PCDH15: variants seen among roughly 807,000 people sequenced by gnomAD.
PCDH15 encodes the protein protocadherin-15.
A neutral mutation model predicts 178.5 loss-of-function variants in PCDH15; 129 were observed. The observed-to-expected ratio is 0.72, with a 90% CI of 0.63 to 0.84. The LOEUF is 0.84. PCDH15 is among the 40% of genes least tolerant of loss of function. The probability of loss-of-function intolerance (pLI) is 0.00; values close to 1 mark genes in which losing one functional copy is unlikely to be tolerated. For synonymous variants in PCDH15, 800 were observed against 732.0 expected, an observed-to-expected ratio of 1.09 and a Z score of -1.50; for missense variants, 2,230 against 2,099.9, an observed-to-expected ratio of 1.06 and a Z score of -1.21.
Position 53,940,940 on chromosome 10 carries a change from G to A in PCDH15, c.3158C>T (p.Thr1053Ile). 6.2e-7 allele frequency: 1 copy of A among 1,613,586 alleles called. No homozygotes were observed. Among genetic ancestry groups the A allele is most frequent in the Non-Finnish European group, 8.5e-7 (1 of 1,179,600 alleles). ...AGCAGCAGAAATTACACCAACCATGGTCCCTTTGGTGGCAAGTTCACTTAC... is the reference window on the plus strand; with the variant it reads ...AGCAGCAGAAATTACACCAACCATGATCCCTTTGGTGGCAAGTTCACTTAC... Reference protein sequence around the residue: ...PPVSELATKGTMVGVISAAAI... With the variant: ...PPVSELATKGIMVGVISAAAI... The change falls in exon 24 of 38, where the codon ACC (threonine) becomes ATC (isoleucine). Residue 1053 changes from threonine to isoleucine, a missense_variant. Transcript: ENST00000644397.
chr10:55,570,329 T>G (rs1409273867), intron 2 of PCDH15, among the ~76,000 whole-genome samples: 1 of 152,036 alleles, frequency 6.6e-6, no homozygotes, highest in Non-Finnish European at 1.5e-5. Context: ...AAGACAACCC[T>G]GTTCACATTT....
chr10:54,910,124 G>GGTCCCACTGC (rs1360995142), intron 2 of PCDH15, among the ~76,000 whole-genome samples: 1 of 152,094 alleles, frequency 6.6e-6, no homozygotes, highest in Non-Finnish European at 1.5e-5. Flanking sequence ...GGGACACAGG[G>GGTCCCACTGC]GTCCCACTGC....
intron 2 of PCDH15, among the ~76,000 whole-genome samples, chr10:55,055,881 A>G: frequency 6.6e-6 from 1 of 152,164 alleles, no homozygotes; most frequent in African/African-American, 2.4e-5. Flanking sequence ...AGACTGGCAA[A>G]TATATGTTTT....
chr10:53,909,878 C>G (rs983057623), intron 25 of PCDH15, among the ~76,000 whole-genome samples: 3 of 152,232 alleles, frequency 2.0e-5, no homozygotes, highest in Admixed American at 6.5e-5. Flanking sequence ...CAGTGAGTCC[C>G]ATGCCCACGA....
chr10:55,219,105 C>T lies in PCDH15; in HGVS notation c.-155-52454G>A, dbSNP rs1417498139. 2.6e-5 allele frequency among the ~76,000 whole-genome samples: 4 copies of T among 151,788 alleles called. No individual in the cohort carries two copies. The East Asian group carries it at 7.7e-4, about 29-fold the overall frequency. On this transcript the variant is annotated intron_variant, in intron 1 of 5. Transcript: ENST00000458638. ...CTGGTAGAAATATTGATGTGAGGGG[C>T]CTTAGATCAAAATTCTTTAGGAGGA... is the stretch of plus-strand genomic sequence containing the variant.
chr10:53,904,804 G>A (rs1450017647), intron 25 of PCDH15, among the ~76,000 whole-genome samples: 1 of 152,116 alleles, frequency 6.6e-6, no homozygotes, highest in Non-Finnish European at 1.5e-5. Flanking sequence ...AATGCGAACA[G>A]CTCTAAATTT....
chr10:54,038,092 C>A (rs1473874340), intron 18 of PCDH15, among the ~76,000 whole-genome samples: 4 of 151,888 alleles, frequency 2.6e-5, no homozygotes, highest in Non-Finnish European at 5.9e-5. Context: ...GCTATATATC[C>A]ACGTTTTGAA....
rs10647110 is a variant in PCDH15 at position 55,459,241 on chromosome 10, A to AAAAAAAAAAAAAAAAAG, written c.-156+168383_-156+168384insCTTTTTTTTTTTTTTTT. Among the ~76,000 whole-genome samples the AAAAAAAAAAAAAAAAAG allele has an allele frequency of 6.0e-5, 8 of 134,234 alleles. 1 individual carries two copies. Among genetic ancestry groups the AAAAAAAAAAAAAAAAAG allele is most frequent in the Non-Finnish European group, 9.3e-5 (6 of 64,612 alleles). The allele number at this position is 134,234 out of a possible 152,430, so 88.1% of individuals were successfully genotyped here. ...CGAGTGTCCTTGGAGGCAAAAAAAA[A>AAAAAAAAAAAAAAAAAG]AAAGAAGGAAAGAAAAAAATAAATC... is the stretch of plus-strand genomic sequence containing the variant. On this transcript the variant is annotated intron_variant, in intron 2 of 5. Coordinates refer to the PCDH15 transcript ENST00000613346.
intron 4 of PCDH15, among the ~76,000 whole-genome samples, chr10:54,375,712 G>A (rs191260495): frequency 6.2e-4 from 93 of 149,546 alleles, no homozygotes; most frequent in African/African-American, 1.7e-3. Context: ...CAAAGCTTTC[G>A]CCATTGTTAG....
At chr10:55,509,171 T>A (rs1397805283) in intron 2 of PCDH15, among the ~76,000 whole-genome samples, 1 of 151,654 alleles carries the variant, frequency 6.6e-6, no homozygotes, top group Non-Finnish European at 1.5e-5. Context: ...CTGGGCTGAT[T>A]CGGAAATAAA....
At chr10:54,761,948 G>A (rs1427672944) in intron 1 of PCDH15, among the ~76,000 whole-genome samples, 2 of 151,992 alleles carry the variant, frequency 1.3e-5, no homozygotes, top group Admixed American at 6.6e-5. Flanking sequence ...GACAACAAGT[G>A]ATAACAACAT....
At chr10:54,120,281 C>T (rs1590605723) in intron 15 of PCDH15, among the ~76,000 whole-genome samples, 1 of 152,132 alleles carries the variant, frequency 6.6e-6, no homozygotes, top group African/African-American at 2.4e-5. Context: ...AACATGGGAA[C>T]CAAGAACCAT....
intron 1 of PCDH15, among the ~76,000 whole-genome samples, chr10:55,182,575 G>A (rs1359606942): frequency 6.6e-6 from 1 of 151,930 alleles, no homozygotes; most frequent in East Asian, 1.9e-4. Flanking sequence ...TCTAGCCTAT[G>A]TTGTTAGATT....
chr10:54,771,267 G>A (rs1949059326), intron 1 of PCDH15, among the ~76,000 whole-genome samples: 1 of 151,828 alleles, frequency 6.6e-6, no homozygotes, highest in Admixed American at 6.6e-5. Context: ...AGAGAAAGGA[G>A]GAAAATAAAC....
chr10:54,995,404 A>AG (rs1554821518), intron 2 of PCDH15, among the ~76,000 whole-genome samples: 6 of 151,842 alleles, frequency 4.0e-5, no homozygotes, highest in Admixed American at 1.3e-4. Context: ...AAAAAAAAAA[A>AG]AAGAAGGAAA....
intron 8 of PCDH15, among the ~76,000 whole-genome samples, chr10:54,288,792 G>A (rs1395694894): frequency 6.6e-6 from 1 of 152,228 alleles, no homozygotes; most frequent in African/African-American, 2.4e-5. Context: ...GAACTGCGGG[G>A]CAGCAGCCTG....
chr10:55,341,075 T>C (rs563835126), intron 2 of PCDH15, among the ~76,000 whole-genome samples: 3 of 151,406 alleles, frequency 2.0e-5, no homozygotes, highest in African/African-American at 7.2e-5. Context: ...AAGCTCTTAG[T>C]AGTAAATTTA....
At chr10:55,035,369 A>T (rs1840710149) in intron 2 of PCDH15, among the ~76,000 whole-genome samples, 1 of 152,052 alleles carries the variant, frequency 6.6e-6, no homozygotes, top group African/African-American at 2.4e-5. Flanking sequence ...CTTTCCTTAC[A>T]CTGATTCATT....
intron 2 of PCDH15, among the ~76,000 whole-genome samples, chr10:55,344,605 T>C (rs77362970): frequency 0.015 from 2,271 of 152,198 alleles, 49 homozygotes; most frequent in African/African-American, 0.052. Context: ...GGAATAGCTG[T>C]AAACTGAGGT....
Sources: allele counts gnomAD v4.1 joint callset (sites outside exome capture counted in the v4.1 genomes callset), GRCh38; gene constraint gnomAD v4.1.1; transcripts MANE v1.5; gene names NCBI Gene and HGNC (gene_info 2026-07-23, HGNC 2026-07-21).